CNTNAP5: variants seen among roughly 807,000 people sequenced by gnomAD.
CNTNAP5 encodes the protein contactin-associated protein-like 5.
CNTNAP5 carries 72 observed loss-of-function variants against 150.2 expected under a neutral mutation model. The observed-to-expected ratio is 0.48, with a 90% CI of 0.40 to 0.58. CNTNAP5 has a LOEUF of 0.58. Among genes scored for constraint, CNTNAP5 ranks in the 20% least tolerant of loss-of-function variants. CNTNAP5 has a pLI of 0.00. For missense variants in CNTNAP5, 1,636 were observed against 1,626.2 expected, an observed-to-expected ratio of 1.01 and a Z score of -0.10; for synonymous variants, 672 against 619.8, an observed-to-expected ratio of 1.08 and a Z score of -1.25.
intron 3 of CNTNAP5, among the ~76,000 whole-genome samples, chr2:124,266,389 A>G (rs1687608088): frequency 6.6e-6 from 1 of 152,146 alleles, no homozygotes; most frequent in Admixed American, 6.6e-5. Flanking sequence ...ATATAGTATC[A>G]ATTTCTTTAC....
chr2:124,315,319 C>A (rs1415401926), intron 3 of CNTNAP5, among the ~76,000 whole-genome samples: 2 of 152,112 alleles, frequency 1.3e-5, no homozygotes, highest in East Asian at 1.9e-4. Flanking sequence ...CCTATGCTAT[C>A]CTTCCTCCAT....
intron 10 of CNTNAP5, among the ~76,000 whole-genome samples, chr2:124,548,102 T>C (rs1314787813): frequency 6.6e-6 from 1 of 152,188 alleles, no homozygotes; most frequent in East Asian, 1.9e-4. Flanking sequence ...TCTAAACAAG[T>C]TGAAAGAGGG....
intron 3 of CNTNAP5, among the ~76,000 whole-genome samples, chr2:124,391,800 C>T (rs977386222): frequency 1.3e-5 from 2 of 151,556 alleles, no homozygotes; most frequent in Non-Finnish European, 2.9e-5. Context: ...CTAAAAAATA[C>T]AAAAAATTAG....
At chr2:124,557,079 C>T (rs1045439755) in intron 10 of CNTNAP5, among the ~76,000 whole-genome samples, 12 of 151,036 alleles carry the variant, frequency 7.9e-5, no homozygotes, top group African/African-American at 2.2e-4. Context: ...AATTAGAGGA[C>T]AATTATCTTT....
intron 3 of CNTNAP5, among the ~76,000 whole-genome samples, chr2:124,402,315 C>T (rs572676065): frequency 6.6e-6 from 1 of 152,030 alleles, no homozygotes; most frequent in South Asian, 2.1e-4. Flanking sequence ...GCACTAATAC[C>T]CACTGAAGGG....
intron 3 of CNTNAP5, among the ~76,000 whole-genome samples, chr2:124,339,213 C>G (rs544699679): frequency 1.3e-5 from 2 of 152,296 alleles, no homozygotes; most frequent in South Asian, 4.1e-4. Context: ...AGAACCCTCT[C>G]TCTCCCATTC....
intron 1 of CNTNAP5, among the ~76,000 whole-genome samples, chr2:124,208,948 T>C (rs1164409356): frequency 6.6e-6 from 1 of 152,172 alleles, no homozygotes; most frequent in Non-Finnish European, 1.5e-5. Context: ...ACAACCCTCA[T>C]TTGTCATGAC....
rs186021020 is a variant in CNTNAP5 at position 124,325,768 on chromosome 2, A to G, written c.381+83375A>G. On this transcript the variant is annotated intron_variant, in intron 3 of 23. Transcript: ENST00000682447. ...ACTGTACATTTAACTATATATTGCA[A>G]ATGAGAGTGAGGATTGATAAATAGG... Among the ~76,000 whole-genome samples, 113 of 152,228 alleles carry G rather than the reference A, an allele frequency of 7.4e-4. 1 individual carries two copies. The highest frequency in any genetic ancestry group is 1.5e-3 in the Non-Finnish European group (101 of 68,004).
intron 3 of CNTNAP5, among the ~76,000 whole-genome samples, chr2:124,260,732 C>T (rs1338741203): frequency 1.3e-5 from 2 of 152,128 alleles, no homozygotes; most frequent in African/African-American, 4.8e-5. Flanking sequence ...GAGAGAGGTA[C>T]ATTTTTTAGC....
At chr2:124,821,623 A>G (rs116516711) in intron 19 of CNTNAP5, among the ~76,000 whole-genome samples, 183 of 152,278 alleles carry the variant, frequency 1.2e-3, no homozygotes, top group African/African-American at 4.3e-3. Flanking sequence ...GCCTTTTTGT[A>G]GAATAAGTGA....
intron 19 of CNTNAP5, among the ~76,000 whole-genome samples, chr2:124,833,371 G>A (rs1160383674): frequency 6.6e-6 from 1 of 152,144 alleles, no homozygotes; most frequent in Admixed American, 6.6e-5. Context: ...TGGAGGAGAT[G>A]CAGGGGCTTT....
At chr2:124,299,843 C>T (rs1030388533) in intron 3 of CNTNAP5, among the ~76,000 whole-genome samples, 14 of 152,212 alleles carry the variant, frequency 9.2e-5, no homozygotes, top group East Asian at 1.9e-4. Flanking sequence ...CCTGGAATGC[C>T]TGGTGTCTGA....
intron 3 of CNTNAP5, among the ~76,000 whole-genome samples, chr2:124,414,816 C>A (rs1021906122): frequency 3.9e-5 from 6 of 151,996 alleles, no homozygotes; most frequent in African/African-American, 1.5e-4. Context: ...TTCTACTGCA[C>A]ATTTGGATTA....
At chr2:124,296,071 G>C (rs1488302072) in intron 3 of CNTNAP5, among the ~76,000 whole-genome samples, 2 of 151,522 alleles carry the variant, frequency 1.3e-5, no homozygotes, top group Non-Finnish European at 2.9e-5. Flanking sequence ...TCATATTTTG[G>C]CCTATTCTTT....
Position 124,315,046 on chromosome 2 carries a change from C to A in CNTNAP5, c.381+72653C>A, listed in dbSNP as rs1002552373. ...TCAGGCTAGAGTGCAGTGGTATAAT[C>A]ACAGCTCACTGCACCCTTGAAGTCC... On this transcript the variant is annotated intron_variant, in intron 3 of 23. Coordinates refer to ENST00000682447, the MANE Select transcript of CNTNAP5 (RefSeq NM_001367498.1). Among the ~76,000 whole-genome samples, 6 of 151,106 alleles carry A rather than the reference C, an allele frequency of 4.0e-5. No homozygotes were observed. The East Asian group carries it at 9.8e-4, about 25-fold the overall frequency.
chr2:124,319,538 G>A (rs1263792415), intron 3 of CNTNAP5, among the ~76,000 whole-genome samples: 1 of 152,188 alleles, frequency 6.6e-6, no homozygotes, highest in Non-Finnish European at 1.5e-5. Flanking sequence ...TTTTGATCAT[G>A]TGTTTGGTGT....
intron 3 of CNTNAP5, among the ~76,000 whole-genome samples, chr2:124,332,465 A>T (rs1054817079): frequency 2.0e-5 from 3 of 151,364 alleles, no homozygotes; most frequent in Non-Finnish European, 4.4e-5. Flanking sequence ...ATAACATTTC[A>T]ATGTGGAATA....
chr2:124,394,822 G>A (rs1333103684), intron 3 of CNTNAP5, among the ~76,000 whole-genome samples: 3 of 152,102 alleles, frequency 2.0e-5, no homozygotes, highest in South Asian at 2.1e-4. Context: ...CGCCTCTGCC[G>A]AGACACATAC....
chr2:124,225,515 A>G (rs527497980), intron 2 of CNTNAP5, among the ~76,000 whole-genome samples: 4 of 152,316 alleles, frequency 2.6e-5, no homozygotes, highest in African/African-American at 9.6e-5. Context: ...ATAAAACTGT[A>G]TACATTTACA....
Sources: allele counts gnomAD v4.1 joint callset (sites outside exome capture counted in the v4.1 genomes callset), GRCh38; gene constraint gnomAD v4.1.1; transcripts MANE v1.5; gene names NCBI Gene and HGNC (gene_info 2026-07-23, HGNC 2026-07-21).